The following STARD13 variants were observed in gnomAD, a reference collection of about 807,000 sequenced individuals.
STARD13 encodes stAR-related lipid transfer protein 13.
A neutral mutation model predicts 106.4 loss-of-function variants in STARD13; 62 were observed. The ratio of observed to expected loss-of-function variants is 0.58; its 90% CI spans 0.48 to 0.72. The LOEUF (loss-of-function observed/expected upper bound fraction) is 0.72. Ranked by LOEUF, STARD13 falls within the 30% of genes least tolerant of loss-of-function variation. The pLI, the probability that STARD13 is intolerant of heterozygous loss-of-function variation, is 0.00. For missense variants in STARD13, 1,387 were observed against 1,424.0 expected, an observed-to-expected ratio of 0.97 and a Z score of 0.42; for synonymous variants, 565 against 553.0, an observed-to-expected ratio of 1.02 and a Z score of -0.31.
At chr13:33,334,072 A>C (rs1448220007) in intron 1 of STARD13, 1 of 152,258 alleles carries the variant, frequency 6.6e-6, no homozygotes, top group Non-Finnish European at 1.5e-5. Context: ...AAGAGGTAAA[A>C]ATACTGGCTG....
At chr13:33,402,168 TATATTC>T in the STARD13 span, among the ~76,000 whole-genome samples, 1 of 152,234 alleles carries the variant, frequency 6.6e-6, no homozygotes, top group African/African-American at 2.4e-5. Flanking sequence ...ATAGTGCCCT[TATATTC>T]AAATTGTACA....
At chr13:33,461,823 T>C in the STARD13 span, among the ~76,000 whole-genome samples, 2 of 152,126 alleles carry the variant, frequency 1.3e-5, no homozygotes, top group African/African-American at 4.8e-5. Context: ...CTTTTTAGAA[T>C]GGCAAGTAGA....
the STARD13 span, among the ~76,000 whole-genome samples, chr13:33,521,876 A>G: frequency 5.3e-5 from 8 of 152,190 alleles, no homozygotes; most frequent in Non-Finnish European, 8.8e-5. Context: ...AAAAAATACT[A>G]TTAGGAAAGC....
At chr13:33,504,821 G>A in the STARD13 span, among the ~76,000 whole-genome samples, 3 of 152,084 alleles carry the variant, frequency 2.0e-5, no homozygotes, top group East Asian at 3.8e-4. Flanking sequence ...GGGATTATAC[G>A]CCTGAGCCAC....
intron 1 of STARD13, among the ~76,000 whole-genome samples, chr13:33,311,124 T>C (rs981596111): frequency 5.5e-5 from 8 of 145,582 alleles, no homozygotes; most frequent in African/African-American, 2.1e-4. Flanking sequence ...TAAGACACCA[T>C]TTCTTAAAAA....
the STARD13 span, among the ~76,000 whole-genome samples, chr13:33,375,835 A>AG: frequency 2.0e-5 from 3 of 152,070 alleles, no homozygotes; most frequent in African/African-American, 7.2e-5. Flanking sequence ...ACAGCCAACC[A>AG]TATCAGCCCC....
At chr13:33,116,012 T>C (rs1200330193) in intron 8 of STARD13, among the ~76,000 whole-genome samples, 1 of 152,256 alleles carries the variant, frequency 6.6e-6, no homozygotes, top group Non-Finnish European at 1.5e-5. Context: ...TATTTGGTTC[T>C]GTCTTTACAG....
rs372608373 is a variant in STARD13, at chr13:33,126,148, G to T, written c.2015C>A (p.Thr672Lys). Residue 672 changes from threonine (T) to lysine (K), a missense_variant, in exon 7 of 14, where the codon ACG becomes AAG. Transcript: ENST00000336934. Reference protein sequence around the residue: ...GVPLIVHVQRTGQPLPQSIQQ... With the variant: ...GVPLIVHVQRKGQPLPQSIQQ... ...AATACTTTGAGGCAGGGGCTGTCCCGTTCTTTGGACGTGGACTATGAGAGG... is the reference window on the plus strand; with the variant it reads ...AATACTTTGAGGCAGGGGCTGTCCCTTTCTTTGGACGTGGACTATGAGAGG... The T allele has an allele frequency of 6.2e-7, 1 of 1,614,152 alleles. No homozygotes were observed. The highest frequency in any genetic ancestry group is 8.5e-7 in the Non-Finnish European group (1 of 1,180,010).
chr13:33,456,332 GGC>G, the STARD13 span, among the ~76,000 whole-genome samples: 1 of 152,126 alleles, frequency 6.6e-6, no homozygotes, highest in Non-Finnish European at 1.5e-5. Context: ...TAGGATTACA[GGC>G]GTGAGCCACC....
At chr13:33,668,247 A>G in the STARD13 span, among the ~76,000 whole-genome samples, 1 of 152,328 alleles carries the variant, frequency 6.6e-6, no homozygotes, top group Non-Finnish European at 1.5e-5. Context: ...TGTTTCAAAT[A>G]TCTATTAAAA....
the STARD13 span, among the ~76,000 whole-genome samples, chr13:33,548,721 T>C: frequency 6.6e-6 from 1 of 152,190 alleles, no homozygotes; most frequent in Non-Finnish European, 1.5e-5. Context: ...TTTGCTGTTT[T>C]AATATGCATC....
At chr13:33,509,516 C>A in the STARD13 span, among the ~76,000 whole-genome samples, 509 of 152,292 alleles carry the variant, frequency 3.3e-3, 1 homozygote, top group Non-Finnish European at 5.8e-3. Context: ...AATTCCACCA[C>A]TGAGGGGTGA....
chr13:33,634,195 T>C, the STARD13 span, among the ~76,000 whole-genome samples: 1 of 152,154 alleles, frequency 6.6e-6, no homozygotes, highest in Admixed American at 6.5e-5. Context: ...ACAACCTGAT[T>C]TATATCCCTG....
the STARD13 span, among the ~76,000 whole-genome samples, chr13:33,615,419 C>G: frequency 6.6e-6 from 1 of 152,198 alleles, no homozygotes. Context: ...TAAAGATCCA[C>G]AAGCATTATC....
At chr13:33,234,118 G>A (rs9597030) in intron 1 of STARD13, among the ~76,000 whole-genome samples, 16,500 of 152,172 alleles carry the variant, frequency 0.11, 1,291 homozygotes, top group African/African-American at 0.22. Flanking sequence ...AAATATGCCA[G>A]ACTGGCTGTG....
chr13:33,399,700 CAAAAAAAAA>C, the STARD13 span, among the ~76,000 whole-genome samples: 3,185 of 27,192 alleles, frequency 0.12, 157 homozygotes, highest in African/African-American at 0.25. Flanking sequence ...GACTCTGTCT[CAAAAAAAAA>C]AAAAAAAAAA....
intron 1 of STARD13, among the ~76,000 whole-genome samples, chr13:33,204,527 G>C (rs546313770): frequency 6.6e-6 from 1 of 152,244 alleles, no homozygotes; most frequent in African/African-American, 2.4e-5. Context: ...TATGAGACGC[G>C]TGGAAAGAAC....
chr13:33,429,744 G>A, the STARD13 span, among the ~76,000 whole-genome samples: 3 of 152,164 alleles, frequency 2.0e-5, no homozygotes, highest in Non-Finnish European at 4.4e-5. Context: ...ATAGAGAGTA[G>A]AAGGATGGTT....
chr13:33,616,093 G>A, the STARD13 span, among the ~76,000 whole-genome samples: 1 of 150,998 alleles, frequency 6.6e-6, no homozygotes, highest in Admixed American at 6.6e-5. Context: ...TTTCTTGACA[G>A]AATTAGATTT....
Sources: allele counts gnomAD v4.1 joint callset (sites outside exome capture counted in the v4.1 genomes callset), GRCh38; gene constraint gnomAD v4.1.1; transcripts MANE v1.5; gene names NCBI Gene and HGNC (gene_info 2026-07-23, HGNC 2026-07-21).